The following RSPH14 variants were observed in gnomAD, a reference collection of about 807,000 sequenced individuals.
The protein encoded by RSPH14 is rhabdoid tumor deletion region gene 1.
RSPH14 carries 20 observed loss-of-function variants against 26.7 expected under a neutral mutation model. The ratio of observed to expected loss-of-function variants is 0.75; its 90% CI spans 0.53 to 1.09. The LOEUF is 1.09. Among genes scored for constraint, RSPH14 ranks in the 50% least tolerant of loss-of-function variants. The probability of loss-of-function intolerance (pLI) is 0.00; values close to 1 mark genes in which losing one functional copy is unlikely to be tolerated. For missense variants in RSPH14, 449 were observed against 457.2 expected (o/e 0.98, Z 0.16); for synonymous variants, 177 against 189.3 (o/e 0.93, Z 0.53).
intron 4 of RSPH14, among the ~76,000 whole-genome samples, chr22:23,084,633 T>C (rs2068768036): frequency 6.6e-6 from 1 of 152,212 alleles, no homozygotes; most frequent in South Asian, 2.1e-4. Context: ...CATTTTTGCC[T>C]TCATCCCCAC....
At chr22:23,103,818 G>T (rs767775773) in intron 4 of RSPH14, among the ~76,000 whole-genome samples, 4 of 152,150 alleles carry the variant, frequency 2.6e-5, no homozygotes, top group Non-Finnish European at 4.4e-5. Flanking sequence ...GTCAGCTGGG[G>T]ATGGCATCAA....
At chr22:23,117,181 G>A (rs2069866569) in intron 4 of RSPH14, among the ~76,000 whole-genome samples, 1 of 152,106 alleles carries the variant, frequency 6.6e-6, no homozygotes. Context: ...CCTGGTACTT[G>A]GGGCTGTTCT....
intron 4 of RSPH14, among the ~76,000 whole-genome samples, chr22:23,083,465 C>T (rs550843793): frequency 2.0e-5 from 3 of 152,124 alleles, no homozygotes; most frequent in Non-Finnish European, 2.9e-5. Context: ...GGGAAGCTTC[C>T]GAGCTCTGTA....
intron 4 of RSPH14, among the ~76,000 whole-genome samples, chr22:23,125,210 G>A (rs550456376): frequency 3.3e-5 from 5 of 152,226 alleles, no homozygotes; most frequent in African/African-American, 1.2e-4. Context: ...TAAACATCAC[G>A]AGAGGAAAGA....
chr22:23,143,486 C>A (rs556797125), upstream of RSPH14, among the ~76,000 whole-genome samples: 6 of 152,204 alleles, frequency 3.9e-5, no homozygotes, highest in African/African-American at 9.6e-5. Context: ...TTGGGGACTG[C>A]AATGGACCTG....
At chr22:23,129,796 T>C (rs920073611) in intron 4 of RSPH14, among the ~76,000 whole-genome samples, 1 of 151,866 alleles carries the variant, frequency 6.6e-6, no homozygotes, top group Admixed American at 6.6e-5. Context: ...GGCACACGCC[T>C]GTAGTCCCAG....
At chr22:23,171,528 T>C in the RSPH14 span, among the ~76,000 whole-genome samples, 2 of 152,132 alleles carry the variant, frequency 1.3e-5, no homozygotes, top group African/African-American at 4.8e-5. Context: ...GTCCATTGTA[T>C]ACATGTACAT....
chr22:23,060,381 G>A (rs1311279453), intron 6 of RSPH14, among the ~76,000 whole-genome samples: 1 of 151,826 alleles, frequency 6.6e-6, no homozygotes, highest in African/African-American at 2.4e-5. Flanking sequence ...TGAGGCAGGA[G>A]AATGCGTGAA....
At chr22:23,164,041 G>A in the RSPH14 span, 5 of 152,264 alleles carry the variant, frequency 3.3e-5, no homozygotes, top group African/African-American at 4.8e-5. Context: ...TACTCAGGAA[G>A]GCCCTTCTCC....
the RSPH14 span, among the ~76,000 whole-genome samples, chr22:23,151,753 G>A: frequency 3.3e-5 from 5 of 152,230 alleles, no homozygotes; most frequent in African/African-American, 1.2e-4. Flanking sequence ...AAACGCCTCT[G>A]CACAGAGTGT....
At chr22:23,060,268 G>T (rs1032575623) in intron 6 of RSPH14, among the ~76,000 whole-genome samples, 3 of 152,102 alleles carry the variant, frequency 2.0e-5, no homozygotes, top group African/African-American at 7.2e-5. Context: ...TCAGGAGATT[G>T]TGACCATCCT....
chr22:23,174,220 G>GGT, the RSPH14 span, among the ~76,000 whole-genome samples: 511 of 151,738 alleles, frequency 3.4e-3, 5 homozygotes, highest in South Asian at 0.011. Context: ...GGTGTGTGAC[G>GGT]GTGTGTGTGT....
In RSPH14 at chr22:23,136,081, G is replaced by A. The variant is rs114803340; in HGVS notation, c.303-1937C>T. On this transcript the variant is annotated intron_variant, in intron 3 of 6. Coordinates refer to ENST00000216036, the MANE Select transcript of RSPH14 (RefSeq NM_014433.3). Reference sequence around the variant, plus strand: ...TCACCGTTGGACACACAAGTTGCAGGGGTCTTCCCTGACCACGGGGGCTTC... The same window carrying A: ...TCACCGTTGGACACACAAGTTGCAGAGGTCTTCCCTGACCACGGGGGCTTC... 1,834 of 470,456 alleles carry A rather than the reference G, an allele frequency of 3.9e-3. 23 individuals carry two copies. Among genetic ancestry groups the A allele is most frequent in the African/African-American group, 0.034 (1,687 of 49,792 alleles). 29.1% of individuals were successfully genotyped at this position (470,456 alleles called of 1,614,324 possible).
chr22:23,116,058 C>T (rs950583303), intron 4 of RSPH14, among the ~76,000 whole-genome samples: 4 of 152,242 alleles, frequency 2.6e-5, no homozygotes, highest in Non-Finnish European at 4.4e-5. Flanking sequence ...ACAAAACAGT[C>T]AAACAGGTGC....
At chr22:23,099,190 G>GAGA (rs2069220101) in intron 4 of RSPH14, among the ~76,000 whole-genome samples, 1 of 152,284 alleles carries the variant, frequency 6.6e-6, no homozygotes, top group African/African-American at 2.4e-5. Flanking sequence ...CGTTGCCAAG[G>GAGA]AGAACGTCAG....
intron 4 of RSPH14, among the ~76,000 whole-genome samples, chr22:23,114,672 G>A (rs900849374): frequency 4.6e-5 from 7 of 152,246 alleles, no homozygotes; most frequent in Non-Finnish European, 1.0e-4. Context: ...GCCCCCTCAC[G>A]AGGGAAGTAT....
intron 4 of RSPH14, among the ~76,000 whole-genome samples, chr22:23,130,194 G>A (rs1601854267): frequency 6.6e-6 from 1 of 150,670 alleles, no homozygotes; most frequent in South Asian, 2.1e-4. Flanking sequence ...GGTGGCTCAC[G>A]CCTGTAATCC....
chr22:23,152,768 G>A, the RSPH14 span, among the ~76,000 whole-genome samples: 3 of 152,176 alleles, frequency 2.0e-5, no homozygotes, highest in African/African-American at 7.2e-5. Context: ...CTGGGGCCAC[G>A]GGCTCTCCCC....
intron 4 of RSPH14, among the ~76,000 whole-genome samples, chr22:23,066,681 G>A (rs1441054712): frequency 6.6e-6 from 1 of 152,206 alleles, no homozygotes; most frequent in African/African-American, 2.4e-5. Flanking sequence ...TCAAGTGGGG[G>A]TGGGGCACAC....
Sources: allele counts gnomAD v4.1 joint callset (sites outside exome capture counted in the v4.1 genomes callset), GRCh38; gene constraint gnomAD v4.1.1; transcripts MANE v1.5; gene names NCBI Gene and HGNC (gene_info 2026-07-23, HGNC 2026-07-21).